Variants in TMEM233 observed in about 807,000 individuals in gnomAD.
The protein encoded by TMEM233 is transmembrane protein 233.
Under a neutral mutation model 11.2 loss-of-function variants are expected in TMEM233, and 6 were observed. That is an observed-to-expected ratio of 0.54 (90% CI 0.29 to 1.06). The LOEUF (loss-of-function observed/expected upper bound fraction) is 1.06, where lower values mean the gene tolerates loss of function less well. Among genes scored for constraint, TMEM233 ranks in the 50% least tolerant of loss-of-function variants. The pLI is 0.08. For synonymous variants in TMEM233, 59 were observed against 55.8 expected, an observed-to-expected ratio of 1.06 and a Z score of -0.26; for missense variants, 127 against 144.7, an observed-to-expected ratio of 0.88 and a Z score of 0.63.
At chr12:119,624,456 G>A (rs1303904) in intron 1 of TMEM233, among the ~76,000 whole-genome samples, 117,904 of 152,108 alleles carry the variant, frequency 0.78, 45,863 homozygotes, top group Middle Eastern at 0.86. Flanking sequence ...TATCCTTACA[G>A]TGGAATATTA....
chr12:119,605,487 G>A (rs1954260732), intron 1 of TMEM233, among the ~76,000 whole-genome samples: 1 of 130,318 alleles, frequency 7.7e-6, no homozygotes, highest in Admixed American at 9.8e-5. Flanking sequence ...GAGTGCAGTG[G>A]TACAACCACA....
At chr12:119,624,176 C>T (rs113365187) in intron 1 of TMEM233, among the ~76,000 whole-genome samples, 1,615 of 151,604 alleles carry the variant, frequency 0.011, 29 homozygotes, top group African/African-American at 0.037. Context: ...ATGGCAAAAC[C>T]CCATCTCTAC....
chr12:119,648,612 C>T, the TMEM233 span, among the ~76,000 whole-genome samples: 34 of 152,332 alleles, frequency 2.2e-4, no homozygotes, highest in African/African-American at 8.2e-4. Context: ...TGCACAATTA[C>T]CATTTAATAT....
the TMEM233 span, among the ~76,000 whole-genome samples, chr12:119,651,364 T>C: frequency 6.6e-6 from 1 of 152,220 alleles, no homozygotes; most frequent in Non-Finnish European, 1.5e-5. Flanking sequence ...GGAAGGCCTC[T>C]CTACCCTAAA....
chr12:119,631,801 GAAT>G, intron 2 of TMEM233: 3 of 263,054 alleles, frequency 1.1e-5, no homozygotes, highest in South Asian at 1.4e-4. Flanking sequence ...TGTAAAATGA[GAAT>G]AATAGTAGTA....
intron 1 of TMEM233, among the ~76,000 whole-genome samples, chr12:119,622,667 G>C (rs76943383): frequency 6.6e-6 from 1 of 151,824 alleles, no homozygotes; most frequent in Admixed American, 6.6e-5. Flanking sequence ...CCTTAAGCCC[G>C]AGACCCCCCC....
At chr12:119,597,815 T>G in intron 1 of TMEM233, among the ~76,000 whole-genome samples, 1 of 152,244 alleles carries the variant, frequency 6.6e-6, no homozygotes. Flanking sequence ...AGTCTGTTTA[T>G]TGAAAGCATA....
chr12:119,604,871 T>C (rs1954235953), intron 1 of TMEM233, among the ~76,000 whole-genome samples: 1 of 152,084 alleles, frequency 6.6e-6, no homozygotes, highest in African/African-American at 2.4e-5. Context: ...TGGCCTTAAG[T>C]GATCTTCCTG....
chr12:119,622,084 G>A (rs1356608895), intron 1 of TMEM233, among the ~76,000 whole-genome samples: 1 of 152,228 alleles, frequency 6.6e-6, no homozygotes, highest in Admixed American at 6.5e-5. Flanking sequence ...ATATTTGAGG[G>A]ATCAGGACTA....
chr12:119,612,553 C>T (rs1954421901), intron 1 of TMEM233, among the ~76,000 whole-genome samples: 1 of 152,014 alleles, frequency 6.6e-6, no homozygotes, highest in Admixed American at 6.5e-5. Context: ...TCAAGACCAT[C>T]CTGGCTAACA....
chr12:119,634,824 A>C (rs1368612488), intron 2 of TMEM233, among the ~76,000 whole-genome samples: 1 of 152,168 alleles, frequency 6.6e-6, no homozygotes, highest in Non-Finnish European at 1.5e-5. Flanking sequence ...TCTTTACCCA[A>C]ACTCATAAAA....
At chr12:119,615,478 C>G (rs1441238594) in intron 1 of TMEM233, among the ~76,000 whole-genome samples, 1 of 152,110 alleles carries the variant, frequency 6.6e-6, no homozygotes, top group Non-Finnish European at 1.5e-5. Context: ...GGTCCCACCC[C>G]CAGAGAGCCT....
intron 2 of TMEM233, among the ~76,000 whole-genome samples, chr12:119,635,196 C>A (rs1372974215): frequency 6.6e-6 from 1 of 152,120 alleles, no homozygotes; most frequent in Non-Finnish European, 1.5e-5. Context: ...CTGCTAATAC[C>A]TTGAGGACTC....
intron 1 of TMEM233, among the ~76,000 whole-genome samples, chr12:119,597,222 A>C (rs1954066697): frequency 6.6e-6 from 1 of 152,022 alleles, no homozygotes; most frequent in African/African-American, 2.4e-5. Context: ...GCAATTTTCA[A>C]CTCTCACTTC....
chr12:119,636,699 G>T (rs182887026), intron 2 of TMEM233, among the ~76,000 whole-genome samples: 3 of 152,306 alleles, frequency 2.0e-5, no homozygotes, highest in Admixed American at 6.5e-5. Context: ...CTTAGCAGCA[G>T]AAAGAGTTGA....
intron 1 of TMEM233, among the ~76,000 whole-genome samples, chr12:119,629,152 G>A (rs1020302019): frequency 2.0e-5 from 3 of 151,816 alleles, no homozygotes; most frequent in African/African-American, 7.3e-5. Flanking sequence ...GCTCATGCCT[G>A]TAATCCCAGC....
intron 1 of TMEM233, among the ~76,000 whole-genome samples, chr12:119,605,532 G>A (rs562059392): frequency 4.3e-5 from 6 of 140,546 alleles, no homozygotes; most frequent in East Asian, 2.4e-4. Flanking sequence ...AGGCTAAGTC[G>A]ATCCTCCCAG....
At chr12:119,613,334 C>T (rs1028174414) in intron 1 of TMEM233, among the ~76,000 whole-genome samples, 21 of 152,034 alleles carry the variant, frequency 1.4e-4, no homozygotes, top group Non-Finnish European at 2.5e-4. Context: ...CATTAGGCAC[C>T]GGAGCAATGA....
intron 1 of TMEM233, among the ~76,000 whole-genome samples, chr12:119,624,539 T>C (rs1486616992): frequency 6.6e-6 from 1 of 152,186 alleles, no homozygotes; most frequent in East Asian, 1.9e-4. Flanking sequence ...ATAACATGGA[T>C]GAACTTTGAA....
Sources: gnomAD v4.1 joint callset for allele counts (sites outside exome capture counted in the v4.1 genomes callset) on GRCh38, gnomAD v4.1.1 for gene constraint, MANE v1.5 for transcripts, NCBI Gene and HGNC (gene_info 2026-07-23, HGNC 2026-07-21) for gene names.